The following NRXN1 variants were observed in gnomAD, a reference collection of about 807,000 sequenced individuals.
NRXN1 encodes the protein neurexin-1.
A neutral mutation model predicts 150.9 loss-of-function variants in NRXN1; 39 were observed. The ratio of observed to expected loss-of-function variants is 0.26; its 90% CI spans 0.20 to 0.34. The LOEUF (loss-of-function observed/expected upper bound fraction) is 0.34. NRXN1 is among the 10% of genes least tolerant of loss of function. The probability of loss-of-function intolerance (pLI) is 1.00; values close to 1 mark genes in which losing one functional copy is unlikely to be tolerated. For missense variants in NRXN1, 1,815 were observed against 1,949.9 expected (o/e 0.93, Z 1.30); for synonymous variants, 924 against 757.0 (o/e 1.22, Z -3.62).
chr2:50,018,069 C>G (rs1686941411), intron 21 of NRXN1, among the ~76,000 whole-genome samples: 1 of 152,072 alleles, frequency 6.6e-6, no homozygotes, highest in Admixed American at 6.6e-5. Flanking sequence ...GATGCTTTCC[C>G]TGGTGTAGGG....
chr2:50,072,225 G>A (rs970475687), intron 19 of NRXN1, among the ~76,000 whole-genome samples: 36 of 152,120 alleles, frequency 2.4e-4, no homozygotes, highest in African/African-American at 4.3e-4. Flanking sequence ...CCTGCTACGC[G>A]GATGACTGCA....
chr2:50,761,366 G>A (rs555730461), intron 5 of NRXN1, among the ~76,000 whole-genome samples: 9 of 151,882 alleles, frequency 5.9e-5, no homozygotes, highest in East Asian at 2.0e-4. Flanking sequence ...TTTCCTGGCC[G>A]TTCTCATGAT....
At chr2:50,004,593 T>G (rs1301021152) in intron 21 of NRXN1, among the ~76,000 whole-genome samples, 2 of 152,158 alleles carry the variant, frequency 1.3e-5, no homozygotes, top group East Asian at 3.9e-4. Context: ...AGATTTTTCC[T>G]TCTGAAAATT....
intron 17 of NRXN1, among the ~76,000 whole-genome samples, chr2:50,288,576 G>A (rs2072498307): frequency 6.6e-6 from 1 of 152,156 alleles, no homozygotes; most frequent in Non-Finnish European, 1.5e-5. Flanking sequence ...CACATGGCTG[G>A]TGAGGCCTCA....
chr2:50,506,349 A>C, intron 13 of NRXN1, 146 bp downstream of exon 13: 2 of 646,160 alleles, frequency 3.1e-6, no homozygotes, highest in East Asian at 6.1e-5. Context: ...TATTTAATAA[A>C]ATAGTTACTA....
chr2:50,137,268 T>G (rs1367116193), intron 18 of NRXN1, among the ~76,000 whole-genome samples: 1 of 152,176 alleles, frequency 6.6e-6, no homozygotes, highest in East Asian at 1.9e-4. Context: ...AACCCTGATA[T>G]ATACAAACCA....
chr2:50,504,636 G>A (rs762751178), intron 13 of NRXN1, among the ~76,000 whole-genome samples: 3 of 152,012 alleles, frequency 2.0e-5, no homozygotes, highest in Non-Finnish European at 4.4e-5. Context: ...CGCAGTACAG[G>A]ACTTATTACT....
intron 21 of NRXN1, among the ~76,000 whole-genome samples, chr2:50,012,156 T>G (rs2152546499): frequency 6.6e-6 from 1 of 152,256 alleles, no homozygotes; most frequent in East Asian, 1.9e-4. Context: ...TATTTCATAT[T>G]TAAACTAGAG....
intron 17 of NRXN1, among the ~76,000 whole-genome samples, chr2:50,357,101 AC>A (rs982365867): frequency 3.3e-5 from 5 of 151,792 alleles, no homozygotes; most frequent in African/African-American, 1.2e-4. Flanking sequence ...ACATAAGGAG[AC>A]CCCATCTCTA....
Position 50,517,974 on chromosome 2 carries a change from T to C in NRXN1, c.2374+10651A>G, listed in dbSNP as rs72880031. ...TCTGGCCTATAAATATCATTGCCTA[T>C]GCAAACGAATAAACAAGGTTAAAAT... On this transcript the variant is annotated intron_variant, in intron 12 of 22. Transcript: ENST00000401669. 3.1e-3 allele frequency among the ~76,000 whole-genome samples: 465 copies of C among 152,284 alleles called. 3 individuals are homozygous for C. The highest frequency in any genetic ancestry group is 0.011 in the African/African-American group (450 of 41,578).
chr2:50,187,135 C>T (rs1281625113), intron 18 of NRXN1, among the ~76,000 whole-genome samples: 2 of 151,980 alleles, frequency 1.3e-5, no homozygotes, highest in South Asian at 2.1e-4. Context: ...AAAGATCACA[C>T]CTAAAACATG....
At chr2:49,964,644 A>G (rs112844889) in intron 21 of NRXN1, among the ~76,000 whole-genome samples, 3 of 152,166 alleles carry the variant, frequency 2.0e-5, no homozygotes, top group African/African-American at 7.2e-5. Context: ...GTTCGAGACC[A>G]GCCTGGCCAA....
At chr2:50,632,157 G>A (rs1416331760) in intron 5 of NRXN1, among the ~76,000 whole-genome samples, 1 of 152,018 alleles carries the variant, frequency 6.6e-6, no homozygotes, top group African/African-American at 2.4e-5. Flanking sequence ...TACCGACTTG[G>A]TCAAGGCAAT....
chr2:49,939,185 A>G (rs1174268806), intron 22 of NRXN1, among the ~76,000 whole-genome samples: 1 of 152,222 alleles, frequency 6.6e-6, no homozygotes, highest in Non-Finnish European at 1.5e-5. Context: ...TCACATAGCA[A>G]TAACTATGCT....
chr2:50,750,203 A>T (rs952774318), intron 5 of NRXN1, among the ~76,000 whole-genome samples: 1 of 152,022 alleles, frequency 6.6e-6, no homozygotes, highest in African/African-American at 2.4e-5. Context: ...TGAGGCTGAA[A>T]CAACTACATC....
intron 17 of NRXN1, among the ~76,000 whole-genome samples, chr2:50,258,052 T>C (rs1034143447): frequency 6.6e-6 from 1 of 152,004 alleles, no homozygotes; most frequent in Admixed American, 6.6e-5. Context: ...AGCTGTAATA[T>C]TTTTGATGGT....
chr2:50,463,804 G>T (rs1043525429), intron 17 of NRXN1, among the ~76,000 whole-genome samples: 5 of 151,586 alleles, frequency 3.3e-5, no homozygotes, highest in Non-Finnish European at 7.4e-5. Flanking sequence ...GCATAGTTTG[G>T]CAGAAAAAGT....
chr2:50,340,248 G>A (rs181548943), intron 17 of NRXN1, among the ~76,000 whole-genome samples: 1 of 152,280 alleles, frequency 6.6e-6, no homozygotes, highest in Admixed American at 6.5e-5. Flanking sequence ...AAGCTTGAGG[G>A]AATGCATTGT....
At chr2:51,015,625 A>C (rs1668546419) in intron 2 of NRXN1, among the ~76,000 whole-genome samples, 1 of 152,004 alleles carries the variant, frequency 6.6e-6, no homozygotes, top group African/African-American at 2.4e-5. Flanking sequence ...CAATATATAG[A>C]GTCATAGAAT....
Sources: allele counts gnomAD v4.1 joint callset (sites outside exome capture counted in the v4.1 genomes callset), GRCh38; gene constraint gnomAD v4.1.1; transcripts MANE v1.5; gene names NCBI Gene and HGNC (gene_info 2026-07-23, HGNC 2026-07-21).